The following DNER variants were observed in gnomAD, a reference collection of about 807,000 sequenced individuals.
DNER encodes the protein delta and Notch-like epidermal growth factor-related receptor.
Under a neutral mutation model 78.2 loss-of-function variants are expected in DNER, and 33 were observed. The ratio of observed to expected loss-of-function variants is 0.42; its 90% CI spans 0.32 to 0.56. The LOEUF (loss-of-function observed/expected upper bound fraction) is 0.56. Ranked by LOEUF, DNER falls within the 20% of genes least tolerant of loss-of-function variation. The probability of loss-of-function intolerance (pLI) is 0.11; values close to 1 mark genes in which losing one functional copy is unlikely to be tolerated. For synonymous variants in DNER, 417 were observed against 384.8 expected (o/e 1.08, Z -0.98); for missense variants, 918 against 975.3 (o/e 0.94, Z 0.78).
At chr2:229,617,353 C>G (rs981811554) in intron 1 of DNER, among the ~76,000 whole-genome samples, 15 of 152,132 alleles carry the variant, frequency 9.9e-5, no homozygotes, top group African/African-American at 3.6e-4. Context: ...TAAATTAAAA[C>G]CTCATCACCT....
chr2:229,610,840 C>T lies in DNER; in HGVS notation c.277-18952G>A, dbSNP rs138868991. ...TGTACGCTGCTTACATCCACAGTTC[C>T]CAAACTGTGTGCCAAAGTGCTATGG... On this transcript the variant is annotated intron_variant, in intron 1 of 12. Transcript: ENST00000341772. Among the ~76,000 whole-genome samples, 157 of 152,340 alleles carry T rather than the reference C, an allele frequency of 1.0e-3. 1 individual carries two copies. The highest frequency in any genetic ancestry group is 3.6e-3 in the African/African-American group (148 of 41,582).
chr2:229,634,985 T>C (rs569161067), intron 1 of DNER, among the ~76,000 whole-genome samples: 1 of 152,366 alleles, frequency 6.6e-6, no homozygotes, highest in African/African-American at 2.4e-5. Flanking sequence ...TAATGACAGC[T>C]TGACTGTCAG....
At chr2:229,417,069 G>A (rs774062760) in intron 9 of DNER, among the ~76,000 whole-genome samples, 10 of 152,166 alleles carry the variant, frequency 6.6e-5, no homozygotes, top group Non-Finnish European at 1.3e-4. Context: ...GTGGAGTTTG[G>A]TTCTAACCGA....
intron 4 of DNER, among the ~76,000 whole-genome samples, chr2:229,566,254 T>C (rs1292479257): frequency 6.6e-6 from 1 of 152,198 alleles, no homozygotes; most frequent in Non-Finnish European, 1.5e-5. Context: ...ATTGTCTTTG[T>C]TCTAATACAG....
intron 4 of DNER, among the ~76,000 whole-genome samples, chr2:229,559,054 G>T (rs571347751): frequency 6.6e-6 from 1 of 152,310 alleles, no homozygotes; most frequent in East Asian, 1.9e-4. Flanking sequence ...TGTGAGGTAT[G>T]AGGGAAGGGA....
chr2:229,393,453 A>T (rs575316624), intron 10 of DNER, among the ~76,000 whole-genome samples: 1 of 152,040 alleles, frequency 6.6e-6, no homozygotes, highest in Non-Finnish European at 1.5e-5. Context: ...AAATAAAAAA[A>T]TAGTAGATTA....
chr2:229,444,261 A>T (rs576902210), intron 8 of DNER, among the ~76,000 whole-genome samples: 2 of 152,300 alleles, frequency 1.3e-5, no homozygotes, highest in East Asian at 3.9e-4. Context: ...AGAAAGAAAG[A>T]AGAGCTTTCA....
chr2:229,601,357 T>A (rs1697823445), intron 1 of DNER, among the ~76,000 whole-genome samples: 1 of 152,202 alleles, frequency 6.6e-6, no homozygotes, highest in Admixed American at 6.5e-5. Flanking sequence ...CTATAGTGCT[T>A]ATGCCAGTAG....
chr2:229,699,631 C>T (rs919179299), intron 1 of DNER, among the ~76,000 whole-genome samples: 1 of 152,132 alleles, frequency 6.6e-6, no homozygotes, highest in African/African-American at 2.4e-5. Context: ...TCCCAAAGTG[C>T]TTGGGATTAC....
At chr2:229,529,574 T>A (rs1232368753) in intron 5 of DNER, among the ~76,000 whole-genome samples, 2 of 152,234 alleles carry the variant, frequency 1.3e-5, no homozygotes, top group Non-Finnish European at 2.9e-5. Context: ...CTAACGTGTA[T>A]GATTTTGTTC....
At position 229,714,166 on chromosome 2, in the gene DNER, G is replaced by C. The variant is rs1699954702; in HGVS notation, c.258C>G (p.Ile86Met). Residue 86 changes from isoleucine to methionine, a missense_variant, in exon 1 of 13, where the codon ATC becomes ATG. Coordinates refer to ENST00000341772, the MANE Select transcript of DNER (RefSeq NM_139072.4). ...CACTCACCTGGCAGTTGGCGCCGGA[G>C]ATCCCGGCGGGGCAGGTGCAGCTGT... ...PGYSCTCPAGISGANCQLVAD... is the reference protein window; with the variant it reads ...PGYSCTCPAGMSGANCQLVAD... 1.5e-6 allele frequency: 2 copies of C among 1,326,154 alleles called. No individual in the cohort carries two copies. The highest frequency in any genetic ancestry group is 4.1e-5 in the Admixed American group (1 of 24,606). The allele number at this position is 1,326,154 out of a possible 1,614,324, so 82.1% of individuals were successfully genotyped here.
intron 1 of DNER, among the ~76,000 whole-genome samples, chr2:229,599,122 T>G (rs1330562823): frequency 6.6e-6 from 1 of 152,108 alleles, no homozygotes; most frequent in African/African-American, 2.4e-5. Flanking sequence ...TGTCATTATA[T>G]GACCCAGCAC....
chr2:229,648,138 G>A (rs1698752676), intron 1 of DNER, among the ~76,000 whole-genome samples: 1 of 152,140 alleles, frequency 6.6e-6, no homozygotes, highest in Non-Finnish European at 1.5e-5. Flanking sequence ...TGTCATTTTA[G>A]TGTACTGGGG....
rs1697511854 is a variant in DNER at position 229,586,797 on chromosome 2, C to G, written c.681-773G>C. On this transcript the variant is annotated intron_variant, in intron 3 of 12. Coordinates refer to ENST00000341772, the MANE Select transcript of DNER (RefSeq NM_139072.4). ...CACTTCCCAACATCCCAACAGCTGC[C>G]CATTCTCCCCAGTGCTCCTGGAGAA... 10 of 985,792 alleles carry G rather than the reference C, an allele frequency of 1.0e-5. 1 individual carries two copies. In the South Asian group the frequency reaches 4.2e-4, roughly 42 times the overall value. The allele number at this position is 985,792 out of a possible 1,614,324, so 61.1% of individuals were successfully genotyped here.
At chr2:229,551,937 T>C (rs13385382) in intron 4 of DNER, among the ~76,000 whole-genome samples, 1 of 149,524 alleles carries the variant, frequency 6.7e-6, no homozygotes, top group East Asian at 1.9e-4. Flanking sequence ...TCTCAAAAAA[T>C]AAATAAATAA....
At chr2:229,508,609 C>T (rs948105257) in intron 6 of DNER, among the ~76,000 whole-genome samples, 7 of 151,952 alleles carry the variant, frequency 4.6e-5, no homozygotes, top group South Asian at 2.1e-4. Flanking sequence ...AGGCTGGGCG[C>T]GGTGGCTCAT....
At chr2:229,424,910 G>A (rs1693841401) in intron 8 of DNER, among the ~76,000 whole-genome samples, 1 of 152,104 alleles carries the variant, frequency 6.6e-6, no homozygotes, top group African/African-American at 2.4e-5. Context: ...ATCCTTCCCA[G>A]GTGTAATGAT....
chr2:229,646,258 C>A (rs1574941879), intron 1 of DNER, among the ~76,000 whole-genome samples: 1 of 152,118 alleles, frequency 6.6e-6, no homozygotes, highest in Admixed American at 6.5e-5. Context: ...CAAGTCCCAA[C>A]AAGCACAGAC....
intron 10 of DNER, among the ~76,000 whole-genome samples, chr2:229,397,400 TA>T (rs1411638873): frequency 7.4e-6 from 1 of 134,824 alleles, no homozygotes; most frequent in African/African-American, 2.7e-5. Context: ...AGAACCAAGA[TA>T]GGGGCAGCCT....
Sources: allele counts gnomAD v4.1 joint callset (sites outside exome capture counted in the v4.1 genomes callset), GRCh38; gene constraint gnomAD v4.1.1; transcripts MANE v1.5; gene names NCBI Gene and HGNC (gene_info 2026-07-23, HGNC 2026-07-21).